MARK2: variants seen among roughly 807,000 people sequenced by gnomAD.
MARK2 encodes microtubule affinity regulating kinase 2, also known as serine/threonine-protein kinase MARK2.
MARK2 carries 16 observed loss-of-function variants against 89.8 expected under a neutral mutation model. The observed-to-expected ratio is 0.18, with a 90% CI of 0.12 to 0.27. The LOEUF (loss-of-function observed/expected upper bound fraction) is 0.27. Among genes scored for constraint, MARK2 ranks in the 10% least tolerant of loss-of-function variants. The pLI, the probability that MARK2 is intolerant of heterozygous loss-of-function variation, is 1.00. For synonymous variants in MARK2, 382 were observed against 399.5 expected (o/e 0.96, Z 0.52); for missense variants, 621 against 1,049.9 (o/e 0.59, Z 5.65).
intron 1 of MARK2, among the ~76,000 whole-genome samples, chr11:63,863,464 AC>A (rs1198834189): frequency 1.3e-3 from 32 of 25,050 alleles, no homozygotes; most frequent in African/African-American, 4.5e-3. Flanking sequence ...CCCACCCCCC[AC>A]CCCCCCACTT....
chr11:63,858,188 G>C (rs866984908), intron 1 of MARK2, among the ~76,000 whole-genome samples: 1 of 152,036 alleles, frequency 6.6e-6, no homozygotes, highest in Non-Finnish European at 1.5e-5. Context: ...CACCACACTT[G>C]GCTCATTTTT....
At chr11:63,851,956 A>G (rs970272730) in intron 1 of MARK2, among the ~76,000 whole-genome samples, 3 of 152,154 alleles carry the variant, frequency 2.0e-5, no homozygotes, top group African/African-American at 7.2e-5. Context: ...ATACTTGAGA[A>G]TTTTGGACAC....
At chr11:63,885,589 C>A (rs1203054964) in intron 1 of MARK2, among the ~76,000 whole-genome samples, 1 of 151,498 alleles carries the variant, frequency 6.6e-6, no homozygotes, top group Non-Finnish European at 1.5e-5. Flanking sequence ...AATCCCAGCA[C>A]TTTGGGAGGC....
chr11:63,895,538 T>G (rs1940302283), intron 2 of MARK2, 42 bp from the exon 3 acceptor site: 2 of 1,588,502 alleles, frequency 1.3e-6, no homozygotes. Flanking sequence ...TGGGTTTCGC[T>G]GGTCAGAGAA....
rs1369603109 is a variant in MARK2, at chr11:63,902,329, G to T, written c.1233G>T (p.Gln411His). ...CCAAGCAGCGGCGCTTCAGCGACCA[G>T]GGTAAATGCTTTTGGGAGTTGTAGG... is the stretch of plus-strand genomic sequence containing the variant. ...ANPKQRRFSD[Q>H]AAGPAIPTSN... Residue 411 changes from glutamine (Q) to histidine (H), a missense_variant and splice_region_variant, in exon 12 of 19, where the codon CAG becomes CAT. Physicochemically the swap from Gln to His is conservative, Grantham distance 24. Around this residue, in one of 5 missense-constraint regions of MARK2, gnomAD observed 397 missense variants for 567.8 expected, o/e 0.70. Coordinates refer to ENST00000402010, the MANE Select transcript of MARK2 (RefSeq NM_001039469.3). This position sits in a 1 kb window ranked among gnomAD's most constrained non-coding sequence, Gnocchi z 4.2. The T allele has an allele frequency of 6.2e-7, 1 of 1,614,016 alleles. No individual in the cohort carries two copies. Among genetic ancestry groups the T allele is most frequent in the Non-Finnish European group, 8.5e-7 (1 of 1,179,956 alleles).
chr11:63,890,296 G>T (rs756710602), intron 1 of MARK2: 1 of 1,342,634 alleles, frequency 7.4e-7, no homozygotes, highest in East Asian at 4.6e-5. Flanking sequence ...GGGTGCAGGG[G>T]TAAGTAAGGG....
Position 63,900,297 on chromosome 11 carries a change from G to C in MARK2, c.768+187G>C, listed in dbSNP as rs568932166. 7.2e-5 allele frequency among the ~76,000 whole-genome samples: 11 copies of C among 152,130 alleles called. No homozygotes were observed. Among genetic ancestry groups the C allele is most frequent in the African/African-American group, 2.7e-4 (11 of 41,416 alleles). ...AATGAATAACCTCAGTTCCTTTCTC[G>C]AAAGATGGGATAAACTGTGTGTGTG... On this transcript the variant is annotated intron_variant, in intron 8 of 18. Transcript: ENST00000402010. This position sits in a 1 kb window ranked among gnomAD's most constrained non-coding sequence, Gnocchi z 4.7.
chr11:63,852,685 AAAAG>A (rs1403976352), intron 1 of MARK2, among the ~76,000 whole-genome samples: 5 of 151,508 alleles, frequency 3.3e-5, no homozygotes, highest in Admixed American at 6.6e-5. Flanking sequence ...AAAAAAAAAA[AAAAG>A]AAAAGAAATG....
At chr11:63,891,086 G>T (rs1236966516) in intron 1 of MARK2, among the ~76,000 whole-genome samples, 3 of 150,416 alleles carry the variant, frequency 2.0e-5, no homozygotes, top group Non-Finnish European at 3.0e-5. Context: ...GTGTGTGTGT[G>T]TTTTCCTTTT....
At position 63,855,761 on chromosome 11, in the gene MARK2, T is replaced by C. The variant is rs563349511; in HGVS notation, c.54+16201T>C. Reference sequence around the variant, plus strand: ...CATATGTTTCAACCAAAACAACTTATGAAAACACATTGAATGTGGAAGCAG... The same window carrying C: ...CATATGTTTCAACCAAAACAACTTACGAAAACACATTGAATGTGGAAGCAG... On this transcript the variant is annotated intron_variant, in intron 1 of 18. Coordinates refer to ENST00000402010, the MANE Select transcript of MARK2 (RefSeq NM_001039469.3). 3.2e-4 allele frequency among the ~76,000 whole-genome samples: 48 copies of C among 152,330 alleles called. 1 individual carries two copies. Among genetic ancestry groups the C allele is most frequent in the Admixed American group, 2.6e-3 (40 of 15,294 alleles).
chr11:63,851,840 A>T (rs2016587491), intron 1 of MARK2, among the ~76,000 whole-genome samples: 1 of 151,886 alleles, frequency 6.6e-6, no homozygotes, highest in Non-Finnish European at 1.5e-5. Flanking sequence ...TAGGGACAGC[A>T]TTCTGGTTTC....
At position 63,910,299 on chromosome 11, in the gene MARK2, C is replaced by T. The variant is rs1441504324; in HGVS notation, c.*1062C>T. Reference sequence around the variant, plus strand: ...CAGTGACTTCCCTCACCACTCTCATCTCTCAGCCTTGCCTTTTCTTCCTGA... The same window carrying T: ...CAGTGACTTCCCTCACCACTCTCATTTCTCAGCCTTGCCTTTTCTTCCTGA... On this transcript the variant is annotated 3_prime_UTR_variant, in exon 19 of 19. Transcript: ENST00000402010. 2.0e-5 allele frequency: 3 copies of T among 152,440 alleles called. No individual in the cohort carries two copies. The allele number at this position is 152,440 out of a possible 1,614,324, so 9.4% of individuals were successfully genotyped here. A position where few individuals can be genotyped will look rare whatever the true frequency, so the allele number is the denominator to read the frequency against.
chr11:63,881,252 C>T lies in MARK2; in HGVS notation c.55-13907C>T, dbSNP rs558680246. ...CTCGGGAGGCAGAGGTTGCAGTCAG[C>T]CGAGATCACGCCACTGCACTCCAGC... On this transcript the variant is annotated intron_variant, in intron 1 of 18. Transcript: ENST00000402010. 2.6e-4 allele frequency among the ~76,000 whole-genome samples: 39 copies of T among 152,138 alleles called. 1 individual carries two copies. Among genetic ancestry groups the T allele is most frequent in the African/African-American group, 9.4e-4 (39 of 41,520 alleles).
At chr11:63,845,646 C>T (rs902887821) in intron 1 of MARK2, among the ~76,000 whole-genome samples, 1 of 152,174 alleles carries the variant, frequency 6.6e-6, no homozygotes, top group African/African-American at 2.4e-5. Context: ...CCCAGGTTAA[C>T]CCTGAAAGTG....
chr11:63,850,651 G>A (rs1222673483), intron 1 of MARK2, among the ~76,000 whole-genome samples: 2 of 152,010 alleles, frequency 1.3e-5, no homozygotes, highest in African/African-American at 2.4e-5. Flanking sequence ...AAATGATGGC[G>A]GTGGATGTGC....
chr11:63,856,598 ATATT>A (rs2016863047), intron 1 of MARK2, among the ~76,000 whole-genome samples: 1 of 150,578 alleles, frequency 6.6e-6, no homozygotes, highest in Non-Finnish European at 1.5e-5. Flanking sequence ...TAATTTTTGT[ATATT>A]TAGTAGAGAC....
At chr11:63,888,684 G>A (rs1939565475) in intron 1 of MARK2, 5 of 1,184,546 alleles carry the variant, frequency 4.2e-6, no homozygotes, top group Non-Finnish European at 4.3e-6. Flanking sequence ...TGCTCTCCTT[G>A]CCAAACCCAG....
chr11:63,855,277 G>A (rs1025528600), intron 1 of MARK2, among the ~76,000 whole-genome samples: 11 of 152,166 alleles, frequency 7.2e-5, no homozygotes, highest in Admixed American at 4.6e-4. Flanking sequence ...TCAGCACTTT[G>A]GGAAGCTGAG....
chr11:63,857,496 G>A (rs867995013), intron 1 of MARK2, among the ~76,000 whole-genome samples: 12 of 152,100 alleles, frequency 7.9e-5, no homozygotes, highest in South Asian at 4.1e-4. Flanking sequence ...TTGGTCAGCT[G>A]TTTTGTTTTG....
Sources: gnomAD v4.1 joint callset for allele counts (sites outside exome capture counted in the v4.1 genomes callset) on GRCh38, gnomAD v4.1.1 for gene constraint, gnomAD v4.1.1 regional missense constraint, Gnocchi (gnomAD v3.1) non-coding constraint, MANE v1.5 for transcripts, NCBI Gene and HGNC (gene_info 2026-07-23, HGNC 2026-07-21) for gene names.